TNFSF10: variants seen among roughly 807,000 people sequenced by gnomAD.
TNFSF10 encodes tumor necrosis factor ligand superfamily member 10.
In TNFSF10, 13 loss-of-function variants were observed where a neutral mutation model predicts 29.5. The ratio of observed to expected loss-of-function variants is 0.44; its 90% confidence interval spans 0.29 to 0.70. The LOEUF is 0.70. Ranked by LOEUF, TNFSF10 falls within the 30% of genes least tolerant of loss-of-function variation. The pLI, the probability that TNFSF10 is intolerant of heterozygous loss-of-function variation, is 0.13. For synonymous variants in TNFSF10, 111 were observed against 112.8 expected (o/e 0.98, Z 0.10); for missense variants, 345 against 330.9 (o/e 1.04, Z -0.33).
Position 172,505,733 on chromosome 3 carries a change from T to G in TNFSF10, c.*759A>C, listed in dbSNP as rs930896507. On this transcript the variant is annotated 3_prime_UTR_variant, in exon 5 of 5. Coordinates refer to ENST00000241261, the MANE Select transcript of TNFSF10 (RefSeq NM_003810.4). ...AACACGTACTTACTGAAGTTTTTTT[T>G]TTTTTTTTTTTTGAAACCAAGTCTC... 1 of 151,016 alleles carries G rather than the reference T, an allele frequency of 6.6e-6. No individual in the cohort carries two copies. Among genetic ancestry groups the G allele is most frequent in the Admixed American group, 6.6e-5 (1 of 15,148 alleles). 9.4% of individuals were successfully genotyped at this position (151,016 alleles called of 1,614,324 possible).
Position 172,506,625 on chromosome 3 carries a change from C to T in TNFSF10, c.713G>A (p.Gly238Glu). ...TCCCCCTTGATAGATGGAATAGAGT[C>T]CATATTCTGCATCTTTAGACCAACA... ...NSCWSKDAEY[G>E]LYSIYQGGIF... Residue 238 changes from glycine to glutamate, a missense_variant, in exon 5 of 5, where the codon GGA becomes GAA. By Grantham distance (98) the Gly-to-Glu change is moderately conservative. Coordinates refer to ENST00000241261, the MANE Select transcript of TNFSF10 (RefSeq NM_003810.4). 6.2e-7 allele frequency: 1 copy of T among 1,614,152 alleles called. No homozygotes were observed. The highest frequency in any genetic ancestry group is 8.5e-7 in the Non-Finnish European group (1 of 1,180,014).
chr3:172,517,338 T>G, intron 1 of TNFSF10: 1 of 985,400 alleles, frequency 1.0e-6, no homozygotes, highest in African/African-American at 1.7e-5. Context: ...AGAAATACTT[T>G]CAGGAGGAGG....
rs1341164664 is a variant in TNFSF10, at chr3:172,506,485, A to G, written c.*7T>C. ...TTTGAGGTTATTGCTTTTTCTTTCCAGGTCAGTTAGCCAACTAAAAAGGCC... is the reference window on the plus strand; with the variant it reads ...TTTGAGGTTATTGCTTTTTCTTTCCGGGTCAGTTAGCCAACTAAAAAGGCC... On this transcript the variant is annotated 3_prime_UTR_variant, in exon 5 of 5. Coordinates refer to ENST00000241261, the MANE Select transcript of TNFSF10 (RefSeq NM_003810.4). 6.3e-7 allele frequency: 1 copy of G among 1,590,558 alleles called. No homozygotes were observed. The highest frequency in any genetic ancestry group is 1.8e-5 in the Admixed American group (1 of 54,844).
In TNFSF10 at chr3:172,512,198, C is replaced by T. The variant is rs150452935; in HGVS notation, c.271-539G>A. 6.6e-5 allele frequency among the ~76,000 whole-genome samples: 10 copies of T among 152,258 alleles called. No homozygotes were observed. The East Asian group carries it at 1.7e-3, about 26-fold the overall frequency. On this transcript the variant is annotated intron_variant, in intron 2 of 4. Coordinates refer to ENST00000241261, the MANE Select transcript of TNFSF10 (RefSeq NM_003810.4). The stretch of plus-strand genomic sequence containing the variant: ...CTATCGAGGTATAACCTGACAACAC[C>T]GTGTCATTCTTTCACTTCTGAGAAT...
At chr3:172,517,237 G>A in intron 1 of TNFSF10, 2 of 727,828 alleles carry the variant, frequency 2.7e-6, no homozygotes, top group Non-Finnish European at 3.4e-6. Context: ...AGTTTGACAA[G>A]GATGGTCGTG....
At chr3:172,521,718 C>A (rs1266631552) in intron 1 of TNFSF10, among the ~76,000 whole-genome samples, 1 of 152,210 alleles carries the variant, frequency 6.6e-6, no homozygotes, top group African/African-American at 2.4e-5. Flanking sequence ...GATTATAAAT[C>A]ATTCTACTAT....
intron 1 of TNFSF10, among the ~76,000 whole-genome samples, chr3:172,522,633 G>A (rs1713748542): frequency 6.6e-6 from 1 of 152,150 alleles, no homozygotes; most frequent in Non-Finnish European, 1.5e-5. Context: ...TATAAAAAAG[G>A]AAGTTTACAA....
chr3:172,508,274 G>A (rs537312725), intron 4 of TNFSF10, among the ~76,000 whole-genome samples: 69 of 146,270 alleles, frequency 4.7e-4, no homozygotes, highest in Non-Finnish European at 7.6e-4. Flanking sequence ...CAGCCTGGGC[G>A]ACAAAAGTGA....
intron 1 of TNFSF10, chr3:172,517,969 G>C (rs1713506880): frequency 8.1e-6 from 8 of 985,414 alleles, no homozygotes; most frequent in Non-Finnish European, 9.6e-6. Context: ...CATGAATTTT[G>C]GTAGTTTCTC....
rs117818680 is a variant in TNFSF10, at chr3:172,519,224, A to G, written c.132+4029T>C. 3.2e-4 allele frequency among the ~76,000 whole-genome samples: 49 copies of G among 152,344 alleles called. No homozygotes were observed. The East Asian group carries it at 8.7e-3, about 27-fold the overall frequency. ...CTCAATGAATTCTTCTGCATGCCTA[A>G]TGTACATGTGTTCATATGTCAATAT... On this transcript the variant is annotated intron_variant, in intron 1 of 4. Transcript: ENST00000241261.
At chr3:172,518,177 G>A (rs1184174709) in intron 1 of TNFSF10, 1 of 1,105,616 alleles carries the variant, frequency 9.0e-7, no homozygotes, top group Non-Finnish European at 1.1e-6. Flanking sequence ...GGCATTGGGG[G>A]CAGAAGGTAG....
chr3:172,517,539 A>C (rs1324187334), intron 1 of TNFSF10: 31 of 985,392 alleles, frequency 3.1e-5, no homozygotes. Context: ...CAAAAACTAA[A>C]TAAGTAAATC....
chr3:172,517,661 A>G, intron 1 of TNFSF10: 1 of 985,382 alleles, frequency 1.0e-6, no homozygotes, highest in Non-Finnish European at 1.2e-6. Context: ...TGTGTGCATA[A>G]TTTTGAGTAT....
intron 1 of TNFSF10, chr3:172,517,622 C>G: frequency 1.0e-6 from 1 of 985,330 alleles, no homozygotes; most frequent in Non-Finnish European, 1.2e-6. Context: ...GATGATATCT[C>G]TTGTTTACAG....
chr3:172,523,415 A>G lies in TNFSF10; in HGVS notation c.-31T>C. On this transcript the variant is annotated 5_prime_UTR_variant, in exon 1 of 5. Coordinates refer to ENST00000241261, the MANE Select transcript of TNFSF10 (RefSeq NM_003810.4). ...TGTCAGAGTCTGACTGCTGTAAGTC[A>G]GCCAGGCAGCCGGTCACTGAAGCCC... 2 of 1,594,930 alleles carry G rather than the reference A, an allele frequency of 1.3e-6. No homozygotes were observed. The highest frequency in any genetic ancestry group is 1.7e-6 in the Non-Finnish European group (2 of 1,166,022).
At chr3:172,521,239 A>G (rs1713680174) in intron 1 of TNFSF10, among the ~76,000 whole-genome samples, 1 of 152,238 alleles carries the variant, frequency 6.6e-6, no homozygotes, top group Admixed American at 6.5e-5. Flanking sequence ...CAGCAGAAGA[A>G]ACTATCATCA....
At chr3:172,516,476 T>C (rs1051287067) in intron 1 of TNFSF10, among the ~76,000 whole-genome samples, 1 of 152,248 alleles carries the variant, frequency 6.6e-6, no homozygotes, top group Non-Finnish European at 1.5e-5. Context: ...CACACAGTTC[T>C]GTACTCAGCC....
intron 1 of TNFSF10, among the ~76,000 whole-genome samples, chr3:172,519,601 G>T (rs114253092): frequency 0.016 from 2,383 of 152,262 alleles, 56 homozygotes; most frequent in African/African-American, 0.055. Context: ...TCTTACAAAA[G>T]AAAATCTTTT....
chr3:172,507,020 T>C (rs1006391565), intron 4 of TNFSF10, 101 bp from the exon 5 acceptor site: 7 of 1,023,406 alleles, frequency 6.8e-6, no homozygotes, highest in Non-Finnish European at 9.7e-6. Context: ...TTGTTGGGCT[T>C]GCCAGGGATT....
Sources: allele counts gnomAD v4.1 joint callset (sites outside exome capture counted in the v4.1 genomes callset), GRCh38; gene constraint gnomAD v4.1.1; transcripts MANE v1.5; gene names NCBI Gene and HGNC (gene_info 2026-07-23, HGNC 2026-07-21).